The following RNF43 variants were observed in gnomAD, a reference collection of about 807,000 sequenced individuals.
The protein encoded by RNF43 is ring finger protein 43.
In RNF43, 37 loss-of-function variants were observed where a neutral mutation model predicts 78.4. The ratio of observed to expected loss-of-function variants is 0.47; its 90% CI spans 0.36 to 0.62. The LOEUF is 0.62. RNF43 is among the 20% of genes least tolerant of loss of function. The pLI, the probability that RNF43 is intolerant of heterozygous loss-of-function variation, is 0.00. For synonymous variants in RNF43, 347 were observed against 395.0 expected (o/e 0.88, Z 1.44); for missense variants, 774 against 1,007.9 (o/e 0.77, Z 3.14).
chr17:58,376,853 A>T (rs1973214815), intron 2 of RNF43, among the ~76,000 whole-genome samples: 1 of 152,134 alleles, frequency 6.6e-6, no homozygotes, highest in Admixed American at 6.5e-5. Context: ...AGGAGTTAGG[A>T]CACCACTGTC....
intron 2 of RNF43, among the ~76,000 whole-genome samples, chr17:58,395,230 T>C (rs1973651959): frequency 6.6e-6 from 1 of 152,204 alleles, no homozygotes; most frequent in Non-Finnish European, 1.5e-5. Context: ...GCAATGACTT[T>C]GAGACAGCCA....
intron 2 of RNF43, among the ~76,000 whole-genome samples, chr17:58,377,954 G>A (rs1049733606): frequency 2.6e-5 from 4 of 151,992 alleles, no homozygotes; most frequent in Admixed American, 2.0e-4. Context: ...TAAAGCTCCT[G>A]CAGATATGGG....
At chr17:58,356,162 C>A (rs1404660916) in intron 9 of RNF43, among the ~76,000 whole-genome samples, 2 of 152,168 alleles carry the variant, frequency 1.3e-5, no homozygotes, top group Non-Finnish European at 2.9e-5. Context: ...TCCTGATTGG[C>A]AAGTTCCATG....
chr17:58,354,897 A>G lies in RNF43; in HGVS notation c.*46T>C. The G allele has an allele frequency of 6.3e-7, 1 of 1,591,420 alleles. No homozygotes were observed. The highest frequency in any genetic ancestry group is 8.6e-7 in the Non-Finnish European group (1 of 1,159,322). On this transcript the variant is annotated 3_prime_UTR_variant, in exon 10 of 10. Transcript: ENST00000407977. ...CAGGACTCTGTGCCAGGTAGGGCCC[A>G]AACACATCTGGAGCACACTCTTGGT...
chr17:58,354,877 C>T lies in RNF43; in HGVS notation c.*66G>A. On this transcript the variant is annotated 3_prime_UTR_variant, in exon 10 of 10. Transcript: ENST00000407977. ...GTCCTTTCCTTTCCCAGGAGCAGGA[C>T]TCTGTGCCAGGTAGGGCCCAAACAC... 1.4e-6 allele frequency: 2 copies of T among 1,420,142 alleles called. No individual in the cohort carries two copies. The highest frequency in any genetic ancestry group is 1.2e-5 in the South Asian group (1 of 86,822). The allele number at this position is 1,420,142 out of a possible 1,614,324, so 88.0% of individuals were successfully genotyped here. A position where few individuals can be genotyped will look rare whatever the true frequency, so the allele number is the denominator to read the frequency against.
rs1339566161 is a variant in RNF43 at position 58,353,753 on chromosome 17, T to C, written c.*1190A>G. 5 of 208,026 alleles carry C rather than the reference T, an allele frequency of 2.4e-5. No homozygotes were observed. Among genetic ancestry groups the C allele is most frequent in the Non-Finnish European group, 2.9e-5 (3 of 101,754 alleles). The allele number at this position is 208,026 out of a possible 1,614,324, so 12.9% of individuals were successfully genotyped here. A position where few individuals can be genotyped will look rare whatever the true frequency, so the allele number is the denominator to read the frequency against. ...TTCAAGCGTCTGTCTGGTTCAGATATAAATACCCATGTGGGTACCTAGGTG... is the reference window on the plus strand; with the variant it reads ...TTCAAGCGTCTGTCTGGTTCAGATACAAATACCCATGTGGGTACCTAGGTG... On this transcript the variant is annotated 3_prime_UTR_variant, in exon 10 of 10. Transcript: ENST00000407977.
chr17:58,409,937 A>C (rs1973990204), intron 2 of RNF43, among the ~76,000 whole-genome samples: 1 of 152,150 alleles, frequency 6.6e-6, no homozygotes, highest in East Asian at 1.9e-4. Context: ...GTTTTGGGCT[A>C]ATTACAACAC....
chr17:58,356,747 C>G (rs1174015266), intron 9 of RNF43, among the ~76,000 whole-genome samples: 1 of 151,904 alleles, frequency 6.6e-6, no homozygotes, highest in African/African-American at 2.4e-5. Context: ...TACTATAGCT[C>G]CCCCCGAGGA....
chr17:58,383,864 C>T (rs1209076739), intron 2 of RNF43, among the ~76,000 whole-genome samples: 2 of 152,076 alleles, frequency 1.3e-5, no homozygotes, highest in African/African-American at 2.4e-5. Flanking sequence ...GTGATCTACC[C>T]GACTTGACCT....
intron 2 of RNF43, among the ~76,000 whole-genome samples, chr17:58,393,583 T>A (rs746480723): frequency 3.3e-5 from 5 of 152,174 alleles, no homozygotes; most frequent in Non-Finnish European, 5.9e-5. Context: ...ATATGCAGAT[T>A]TTTGACGTGC....
chr17:58,369,426 T>A (rs533552623), intron 3 of RNF43, among the ~76,000 whole-genome samples: 1 of 152,252 alleles, frequency 6.6e-6, no homozygotes, highest in East Asian at 1.9e-4. Context: ...TGGGATGAGG[T>A]AAGAACCCAG....
At chr17:58,364,168 C>A (rs962459447) in intron 3 of RNF43, among the ~76,000 whole-genome samples, 6 of 152,212 alleles carry the variant, frequency 3.9e-5, no homozygotes, top group Non-Finnish European at 8.8e-5. Context: ...AAGCCCCTGT[C>A]TCAGCTCATC....
chr17:58,388,128 G>C (rs1973475464), intron 2 of RNF43, among the ~76,000 whole-genome samples: 1 of 152,170 alleles, frequency 6.6e-6, no homozygotes, highest in Non-Finnish European at 1.5e-5. Context: ...TAGGGTATAG[G>C]AGTAACCACC....
At chr17:58,376,172 C>T (rs569912856) in intron 2 of RNF43, among the ~76,000 whole-genome samples, 35 of 152,206 alleles carry the variant, frequency 2.3e-4, no homozygotes, top group Admixed American at 2.0e-3. Context: ...GATGTGCCTG[C>T]GTGGATTTCA....
intron 2 of RNF43, among the ~76,000 whole-genome samples, chr17:58,398,753 G>A (rs1453960246): frequency 2.0e-5 from 3 of 152,164 alleles, no homozygotes; most frequent in African/African-American, 7.2e-5. Flanking sequence ...AAAAGGAACC[G>A]TGAACATCAA....
At chr17:58,353,541 T>G, downstream of RNF43, 1 of 205,680 alleles carries the variant, frequency 4.9e-6, no homozygotes, top group East Asian at 7.4e-5. Context: ...AGCCCTCTAC[T>G]CTACCCTATC....
At position 58,360,776 on chromosome 17, in the gene RNF43, G is replaced by T. The variant is rs1179455206; in HGVS notation, c.849+7C>A. On this transcript the variant is annotated splice_region_variant and intron_variant, in intron 7 of 9. Transcript: ENST00000407977. This position sits in a 1 kb window ranked among gnomAD's most constrained non-coding sequence, Gnocchi z 4.3. ...GTCATGGAGGTGAACCACAAGACCT[G>T]CCTTACCTGCCCCTCAGAGAACTCC... 1.2e-6 allele frequency: 2 copies of T among 1,607,230 alleles called. No homozygotes were observed. Among genetic ancestry groups the T allele is most frequent in the South Asian group, 2.2e-5 (2 of 89,958 alleles).
chr17:58,373,978 T>C (rs1213704290), intron 2 of RNF43, among the ~76,000 whole-genome samples: 1 of 152,174 alleles, frequency 6.6e-6, no homozygotes, highest in Non-Finnish European at 1.5e-5. Context: ...CTAATGATAG[T>C]CAGGATGGGG....
intron 2 of RNF43, among the ~76,000 whole-genome samples, chr17:58,383,689 C>T (rs1044272735): frequency 6.6e-5 from 10 of 152,166 alleles, no homozygotes; most frequent in African/African-American, 2.4e-4. Flanking sequence ...GTGATCTCGG[C>T]TCACTGCAAC....
Sources: gnomAD v4.1 joint callset for allele counts (sites outside exome capture counted in the v4.1 genomes callset) on GRCh38, gnomAD v4.1.1 for gene constraint, Gnocchi (gnomAD v3.1) non-coding constraint, MANE v1.5 for transcripts, NCBI Gene and HGNC (gene_info 2026-07-23, HGNC 2026-07-21) for gene names.